DNASE2: variants seen among roughly 807,000 people sequenced by gnomAD.
The protein encoded by DNASE2 is deoxyribonuclease-2-alpha.
DNASE2 carries 26 observed loss-of-function variants against 29.8 expected under a neutral mutation model. The observed-to-expected ratio is 0.87, with a 90% CI of 0.64 to 1.21. DNASE2 has a LOEUF of 1.21. DNASE2 is among the 50% of genes most tolerant of loss of function. DNASE2 has a pLI of 0.00. For missense variants in DNASE2, 415 were observed against 455.6 expected (o/e 0.91, Z 0.81); for synonymous variants, 186 against 193.5 (o/e 0.96, Z 0.32).
rs753726053 is a variant in DNASE2, at chr19:12,880,766, C to A, written c.346+36G>T. On this transcript the variant is annotated intron_variant, in intron 3 of 5. Transcript: ENST00000222219. ...CAGGGGTTACCTTGGAAAAATGGGA[C>A]CCGAGTCTCTCCCCAGCCCCCAATC... is the stretch of plus-strand genomic sequence containing the variant. The A allele has an allele frequency of 1.1e-5, 18 of 1,613,704 alleles. No homozygotes were observed. The African/African-American group carries it at 2.4e-4, about 22-fold the overall frequency.
At position 12,878,840 on chromosome 19, in the gene DNASE2, C is replaced by A. The variant is rs778676453; in HGVS notation, c.347-6G>T. 1 of 1,611,504 alleles carries A rather than the reference C, an allele frequency of 6.2e-7. No individual in the cohort carries two copies. Among genetic ancestry groups the A allele is most frequent in the South Asian group, 1.1e-5 (1 of 90,778 alleles). On this transcript the variant is annotated splice_region_variant and splice_polypyrimidine_tract_variant and intron_variant, in intron 3 of 5. Transcript: ENST00000222219. The stretch of plus-strand genomic sequence containing the variant: ...GTGGTCAAGGAGCAGGACACCTGGA[C>A]CAAAAGAAGGCATTAGGGGAGGTCG...
At chr19:12,879,301 A>G (rs774153552) in intron 3 of DNASE2, among the ~76,000 whole-genome samples, 2 of 151,240 alleles carry the variant, frequency 1.3e-5, no homozygotes, top group Non-Finnish European at 2.9e-5. Flanking sequence ...CCTGGCCAAC[A>G]TGGAGAAACC....
At position 12,875,881 on chromosome 19, in the gene DNASE2, CT is replaced by C; in HGVS notation, c.*108del. ...AAGTTCTAGTAGAGATGTGGTCTCA[CT>C]ATGTAGCCCAGGCTGGTCTCGAATT... On this transcript the variant is annotated 3_prime_UTR_variant, in exon 6 of 6. Coordinates refer to ENST00000222219, the MANE Select transcript of DNASE2 (RefSeq NM_001375.3). 7.0e-7 allele frequency: 1 copy of C among 1,429,578 alleles called. No homozygotes were observed. The highest frequency in any genetic ancestry group is 9.6e-7 in the Non-Finnish European group (1 of 1,046,098). The allele number at this position is 1,429,578 out of a possible 1,614,324, so 88.6% of individuals were successfully genotyped here.
intron 3 of DNASE2, 101 bp downstream of exon 3, chr19:12,880,701 G>T: frequency 6.7e-7 from 1 of 1,484,770 alleles, no homozygotes; most frequent in Non-Finnish European, 9.4e-7. Flanking sequence ...AGATGCCCAG[G>T]GTCTGACAGT....
Position 12,875,894 on chromosome 19 carries a change from G to A in DNASE2, c.*96C>T. On this transcript the variant is annotated 3_prime_UTR_variant, in exon 6 of 6. Coordinates refer to ENST00000222219, the MANE Select transcript of DNASE2 (RefSeq NM_001375.3). ...GATGTGGTCTCACTATGTAGCCCAG[G>A]CTGGTCTCGAATTCCTGAGTTCAAG... The A allele has an allele frequency of 6.6e-7, 1 of 1,512,560 alleles. No individual in the cohort carries two copies. Among genetic ancestry groups the A allele is most frequent in the Non-Finnish European group, 9.0e-7 (1 of 1,110,178 alleles). 93.7% of individuals were successfully genotyped at this position (1,512,560 alleles called of 1,614,324 possible). A position where few individuals can be genotyped will look rare whatever the true frequency, so the allele number is the denominator to read the frequency against.
Position 12,878,574 on chromosome 19 carries a change from G to A in DNASE2, c.517C>T (p.Gln173Ter). ...PFAQFSKMGK[Q>*]LTYTYPWVYN... is the part of the protein sequence containing the mutation. ...ACCCAGGGGTAGGTGTAGGTCAGCTGCTTGCCTGGAGGACAAGGGGAGGAG... is the reference window on the plus strand; with the variant it reads ...ACCCAGGGGTAGGTGTAGGTCAGCTACTTGCCTGGAGGACAAGGGGAGGAG... Residue 173 changes from glutamine (Q) to a stop codon, truncating the protein, a stop_gained, in exon 5 of 6, where the codon CAG (glutamine) becomes TAG (stop). Transcript: ENST00000222219. LOFTEE classifies it high-confidence loss of function. 6.2e-7 allele frequency: 1 copy of A among 1,613,994 alleles called. No individual in the cohort carries two copies. The highest frequency in any genetic ancestry group is 2.2e-5 in the East Asian group (1 of 44,876).
At position 12,881,019 on chromosome 19, in the gene DNASE2, C is replaced by T; in HGVS notation, c.220G>A (p.Ala74Thr). 1 of 1,613,944 alleles carries T rather than the reference C, an allele frequency of 6.2e-7. No individual in the cohort carries two copies. Among genetic ancestry groups the T allele is most frequent in the Non-Finnish European group, 8.5e-7 (1 of 1,180,016 alleles). The change falls in exon 2 of 6, where the codon GCC (alanine) becomes ACC (threonine). Residue 74 changes from alanine to threonine, a missense_variant. By Grantham distance (58) the Ala-to-Thr change is moderately conservative. Transcript: ENST00000222219. ...AGCGGCTGCAGGCTTCGGCCCACGG[C>T]CCCCTCCGGGCTGTTGATGAGTGCC... ...GRALINSPEG[A>T]VGRSLQPLYR...
Position 12,875,843 on chromosome 19 carries a change from G to A in DNASE2, c.*147C>T. ...CTACAGGCATTTATCACCGTGCCTG[G>A]CTAACTTTTTTTAAGTTCTAGTAGA... On this transcript the variant is annotated 3_prime_UTR_variant, in exon 6 of 6. Transcript: ENST00000222219. 2.0e-6 allele frequency: 2 copies of A among 996,452 alleles called. No individual in the cohort carries two copies. The highest frequency in any genetic ancestry group is 2.6e-5 in the Admixed American group (1 of 38,018). 61.7% of individuals were successfully genotyped at this position (996,452 alleles called of 1,614,324 possible).
chr19:12,878,962 G>T, intron 3 of DNASE2, 128 bp from the exon 4 acceptor site: 1 of 1,187,522 alleles, frequency 8.4e-7, no homozygotes, highest in Non-Finnish European at 1.2e-6. Context: ...GGCCAACATG[G>T]CGAAACCCCA....
At position 12,878,421 on chromosome 19, in the gene DNASE2, C is replaced by T. The variant is rs375732425; in HGVS notation, c.670G>A (p.Val224Ile). 1 of 1,613,326 alleles carries T rather than the reference C, an allele frequency of 6.2e-7. No homozygotes were observed. Among genetic ancestry groups the T allele is most frequent in the Non-Finnish European group, 8.5e-7 (1 of 1,180,032 alleles). ...SITLTSQAGA[V>I]FQSFAKFSKF... is the part of the protein sequence containing the mutation. ...CTGAACTTGGCAAAGCTCTGGAAAACAGCCCCGGCCTGGGATGTGAGTGTG... is the reference window on the plus strand; with the variant it reads ...CTGAACTTGGCAAAGCTCTGGAAAATAGCCCCGGCCTGGGATGTGAGTGTG... The change falls in exon 5 of 6, where the codon GTT (valine) becomes ATT (isoleucine). Residue 224 changes from valine (V) to isoleucine (I), a missense_variant. Physicochemically the swap from Val to Ile is conservative, Grantham distance 29 (BLOSUM62 3). Coordinates refer to ENST00000222219, the MANE Select transcript of DNASE2 (RefSeq NM_001375.3).
intron 5 of DNASE2, among the ~76,000 whole-genome samples, chr19:12,876,972 G>C (rs1156939681): frequency 1.3e-5 from 2 of 151,816 alleles, no homozygotes; most frequent in East Asian, 3.9e-4. Flanking sequence ...ACAGGTGCCC[G>C]CCACCACACC....
At chr19:12,880,712 G>T in intron 3 of DNASE2, 90 bp downstream of exon 3, 1 of 1,532,358 alleles carries the variant, frequency 6.5e-7, no homozygotes, top group Non-Finnish European at 9.0e-7. Flanking sequence ...GTCTGACAGT[G>T]CAGATCTCCC....
In DNASE2 at chr19:12,875,994, A is replaced by C. The variant is rs554384572; in HGVS notation, c.1079T>G (p.Ile360Ser). ...CACTGCACCTGGCCATAAGGGTTAGATCTTATAAGCTCTGCTGGGCTTCCT... is the reference window on the plus strand; with the variant it reads ...CACTGCACCTGGCCATAAGGGTTAGCTCTTATAAGCTCTGCTGGGCTTCCT... ...MARKPSRAYK[I>S] is the part of the protein sequence containing the mutation. The change falls in exon 6 of 6, where the codon ATC becomes AGC. Residue 360 changes from isoleucine (I) to serine (S), a missense_variant. Transcript: ENST00000222219. The C allele has an allele frequency of 3.5e-5, 57 of 1,613,124 alleles. No individual in the cohort carries two copies. The South Asian group carries it at 4.4e-4, about 12-fold the overall frequency.
Position 12,881,071 on chromosome 19 carries a change from C to T in DNASE2, c.168G>A (p.Glu56=), listed in dbSNP as rs780407021. The change falls in exon 2 of 6, where the codon GAG becomes GAA. Residue 56 remains glutamate (E), a synonymous_variant. Coordinates refer to ENST00000222219, the MANE Select transcript of DNASE2 (RefSeq NM_001375.3). ...QRGLQYKYLD[E]SSGGWRDGRA... is the part of the protein sequence containing the mutation. ...TGCCGTCCCGCCAGCCTCCGGAGCTCTCGTCCAGATACTTGTACTGCAGCC... is the reference window on the plus strand; with the variant it reads ...TGCCGTCCCGCCAGCCTCCGGAGCTTTCGTCCAGATACTTGTACTGCAGCC... 1.2e-5 allele frequency: 19 copies of T among 1,612,816 alleles called. No homozygotes were observed. The highest frequency in any genetic ancestry group is 3.3e-4 in the Middle Eastern group (2 of 6,060).
rs762606971 is a variant in DNASE2, at chr19:12,878,669, C to T, written c.511+1G>A. On this transcript the variant is annotated splice_donor_variant, in intron 4 of 5. Coordinates refer to ENST00000222219, the MANE Select transcript of DNASE2 (RefSeq NM_001375.3). LOFTEE classifies it high-confidence loss of function. ...CATCCTGTGTCCCTGACTCGACTTA[C>T]CCATCTTCGAGAACTGAGCGAAGGG... 1 of 1,613,916 alleles carries T rather than the reference C, an allele frequency of 6.2e-7. No individual in the cohort carries two copies. Among genetic ancestry groups the T allele is most frequent in the Non-Finnish European group, 8.5e-7 (1 of 1,180,006 alleles).
Position 12,881,386 on chromosome 19 carries a change from G to A in DNASE2, c.-11C>T, listed in dbSNP as rs1201174488. 6.4e-7 allele frequency: 1 copy of A among 1,553,836 alleles called. No homozygotes were observed. Among genetic ancestry groups the A allele is most frequent in the African/African-American group, 1.4e-5 (1 of 73,202 alleles). On this transcript the variant is annotated 5_prime_UTR_variant, in exon 1 of 6. Coordinates refer to ENST00000222219, the MANE Select transcript of DNASE2 (RefSeq NM_001375.3). ...CAGCAGCGGGATCATAGCTGCTATG[G>A]GGCTGAGATCCAGGAATCTGTGTCG...
At chr19:12,878,209 G>A (rs2145921143) in intron 5 of DNASE2, 173 bp downstream of exon 5, 1 of 782,578 alleles carries the variant, frequency 1.3e-6, no homozygotes, top group East Asian at 2.7e-5. Flanking sequence ...CTCAGGTGAA[G>A]TTATACATCA....
At chr19:12,879,898 G>A (rs1442594643) in intron 3 of DNASE2, among the ~76,000 whole-genome samples, 5 of 151,862 alleles carry the variant, frequency 3.3e-5, no homozygotes, top group Non-Finnish European at 7.4e-5. Flanking sequence ...GAGGTCAGGA[G>A]TTCAATATCA....
At chr19:12,876,461 T>A in intron 5 of DNASE2, 98 bp from the exon 6 acceptor site, 2 of 592,212 alleles carry the variant, frequency 3.4e-6, no homozygotes, top group Non-Finnish European at 4.6e-6. Flanking sequence ...CATATTTCCT[T>A]TTTTTTTTTT....
Sources: gnomAD v4.1 joint callset for allele counts (sites outside exome capture counted in the v4.1 genomes callset) on GRCh38, gnomAD v4.1.1 for gene constraint, MANE v1.5 for transcripts, NCBI Gene and HGNC (gene_info 2026-07-23, HGNC 2026-07-21) for gene names.